The following PRR23E variants were observed in gnomAD, a reference collection of about 807,000 sequenced individuals.
PRR23E encodes the protein PRR23 family member E, also known as proline-rich protein 23E.
At chr3:127,193,919 C>T in the PRR23E span, among the ~76,000 whole-genome samples, 1 of 152,160 alleles carries the variant, frequency 6.6e-6, no homozygotes, top group Non-Finnish European at 1.5e-5. Flanking sequence ...CTGTGGCTTG[C>T]TTGTGGTTGC....
chr3:127,195,556 G>T, the PRR23E span, among the ~76,000 whole-genome samples: 1 of 152,184 alleles, frequency 6.6e-6, no homozygotes, highest in Non-Finnish European at 1.5e-5. Flanking sequence ...TCTAGGCTCT[G>T]CCAAAAGGAC....
At chr3:127,196,881 G>A in the PRR23E span, 3 of 1,599,406 alleles carry the variant, frequency 1.9e-6, no homozygotes, top group African/African-American at 1.3e-5. Context: ...CTCCTGCATG[G>A]GATTTTCCCC....
chr3:127,197,377 C>T, the PRR23E span: 1 of 1,571,344 alleles, frequency 6.4e-7, no homozygotes, highest in Non-Finnish European at 8.6e-7. Flanking sequence ...TCCTCCCGGT[C>T]ACCCTGCAGG....
the PRR23E span, chr3:127,197,038 C>G: frequency 6.3e-7 from 1 of 1,594,556 alleles, no homozygotes; most frequent in Non-Finnish European, 8.5e-7. Flanking sequence ...ATAGGAAGTC[C>G]GTATCTGGCT....
At chr3:127,196,721 G>A in the PRR23E span, 1 of 1,593,656 alleles carries the variant, frequency 6.3e-7, no homozygotes, top group African/African-American at 1.3e-5. Context: ...AAGCAGAGCA[G>A]AAGGTCCGCC....
the PRR23E span, among the ~76,000 whole-genome samples, chr3:127,194,769 TC>T: frequency 6.6e-6 from 1 of 152,306 alleles, no homozygotes; most frequent in East Asian, 1.9e-4. Context: ...TCAGCTTCTG[TC>T]CCTGCAGGCA....
the PRR23E span, among the ~76,000 whole-genome samples, chr3:127,195,275 C>A: frequency 6.6e-6 from 1 of 152,168 alleles, no homozygotes; most frequent in Admixed American, 6.5e-5. Flanking sequence ...CTCCTTACAT[C>A]CATTTCTCTT....
the PRR23E span, chr3:127,196,785 T>A: frequency 6.3e-7 from 1 of 1,597,554 alleles, no homozygotes; most frequent in Non-Finnish European, 8.5e-7. Context: ...CTCAACCCCC[T>A]GGGTGGCCAT....
At chr3:127,193,772 A>T in the PRR23E span, among the ~76,000 whole-genome samples, 5 of 152,348 alleles carry the variant, frequency 3.3e-5, no homozygotes, top group Admixed American at 1.3e-4. Flanking sequence ...GTTTTTCTCC[A>T]TATCCTTTGA....
chr3:127,196,706 G>A, the PRR23E span: 2 of 1,591,494 alleles, frequency 1.3e-6, no homozygotes, highest in Non-Finnish European at 1.7e-6. Context: ...GTGCATCAGA[G>A]AAACAAGCAG....
the PRR23E span, chr3:127,196,851 G>A: frequency 1.3e-6 from 2 of 1,599,198 alleles, no homozygotes; most frequent in Non-Finnish European, 1.7e-6. Context: ...AACTGACCTG[G>A]CCCTCTGGCC....
At chr3:127,197,107 C>G in the PRR23E span, 1 of 1,598,276 alleles carries the variant, frequency 6.3e-7, no homozygotes, top group Non-Finnish European at 8.5e-7. Flanking sequence ...TACTCCTTGG[C>G]TTCTCCCACT....
chr3:127,195,164 A>T, the PRR23E span, among the ~76,000 whole-genome samples: 5,682 of 152,132 alleles, frequency 0.037, 193 homozygotes, highest in East Asian at 0.16. Flanking sequence ...CACCAGACCC[A>T]CTCAGCCCAC....
chr3:127,195,328 A>G, the PRR23E span, among the ~76,000 whole-genome samples: 5 of 151,860 alleles, frequency 3.3e-5, no homozygotes, highest in African/African-American at 1.2e-4. Flanking sequence ...CCACCCTCTG[A>G]TCTAGAGAGG....
At chr3:127,195,050 A>G in the PRR23E span, among the ~76,000 whole-genome samples, 1 of 151,974 alleles carries the variant, frequency 6.6e-6, no homozygotes, top group Non-Finnish European at 1.5e-5. Flanking sequence ...TCTTCCCTTA[A>G]ACCTGTCCTC....
chr3:127,196,809 G>C, the PRR23E span: 1 of 1,598,490 alleles, frequency 6.3e-7, no homozygotes, highest in Admixed American at 1.7e-5. Flanking sequence ...CTCTGCCTAT[G>C]GTTCCTGTAC....
the PRR23E span, among the ~76,000 whole-genome samples, chr3:127,195,215 A>C: frequency 2.0e-5 from 3 of 152,170 alleles, no homozygotes; most frequent in African/African-American, 7.2e-5. Context: ...GGCACACACC[A>C]GTTGCTCAAG....
At chr3:127,194,791 A>C in the PRR23E span, among the ~76,000 whole-genome samples, 1 of 152,078 alleles carries the variant, frequency 6.6e-6, no homozygotes, top group Admixed American at 6.5e-5. Context: ...TCTATGAAAC[A>C]CTAAGCTCCT....
chr3:127,197,483 C>CT, the PRR23E span: 14 of 1,373,320 alleles, frequency 1.0e-5, no homozygotes, highest in East Asian at 5.0e-5. Context: ...CAGCTGTGGA[C>CT]TTTAAGTTTT....
Sources: allele counts gnomAD v4.1 joint callset (sites outside exome capture counted in the v4.1 genomes callset), GRCh38; gene constraint gnomAD v4.1.1; transcripts MANE v1.5; gene names NCBI Gene and HGNC (gene_info 2026-07-23, HGNC 2026-07-21).